SEPTIN7: variants seen among roughly 807,000 people sequenced by gnomAD.
SEPTIN7 encodes the protein septin 7.
Under a neutral mutation model 63.3 loss-of-function variants are expected in SEPTIN7, and 10 were observed. That is an observed-to-expected ratio of 0.16 (90% CI 0.10 to 0.27). The LOEUF is 0.27. Among genes scored for constraint, SEPTIN7 ranks in the 10% least tolerant of loss-of-function variants. The pLI is 1.00. For missense variants in SEPTIN7, 310 were observed against 521.0 expected, an observed-to-expected ratio of 0.59 and a Z score of 3.94; for synonymous variants, 131 against 165.3, an observed-to-expected ratio of 0.79 and a Z score of 1.59.
At chr7:35,801,543 C>G (rs1787972978) in intron 1 of SEPTIN7, among the ~76,000 whole-genome samples, 3 of 151,312 alleles carry the variant, frequency 2.0e-5, no homozygotes, top group African/African-American at 7.2e-5. Flanking sequence ...GGCGCAGAGC[C>G]GCGGCCTCCG....
At chr7:35,841,983 A>G (rs1392132143) in intron 3 of SEPTIN7, among the ~76,000 whole-genome samples, 3 of 152,144 alleles carry the variant, frequency 2.0e-5, no homozygotes, top group African/African-American at 2.4e-5. Context: ...TAAATATGAG[A>G]TAATAATATC....
chr7:35,809,429 C>G (rs1320326153), intron 1 of SEPTIN7, among the ~76,000 whole-genome samples: 1 of 152,216 alleles, frequency 6.6e-6, no homozygotes. Flanking sequence ...AAAAAGTTAT[C>G]AGACTATATT....
At chr7:35,896,663 GCTGA>G (rs1284070493) in intron 11 of SEPTIN7, among the ~76,000 whole-genome samples, 25 of 152,248 alleles carry the variant, frequency 1.6e-4, no homozygotes, top group African/African-American at 6.0e-4. Flanking sequence ...ATGTTTTTCA[GCTGA>G]CTCCACTTTT....
chr7:35,801,444 G>A (rs1787963428), intron 1 of SEPTIN7, among the ~76,000 whole-genome samples, 174 bp downstream of exon 1: 1 of 152,030 alleles, frequency 6.6e-6, no homozygotes, highest in Non-Finnish European at 1.5e-5. Flanking sequence ...GGGCTCGGGG[G>A]GAGGGGAGGC....
In SEPTIN7 at chr7:35,828,207, T is replaced by C. The variant is rs567560902; in HGVS notation, c.62-3285T>C. The stretch of plus-strand genomic sequence containing the variant: ...CTGAGACTGCTCTTATTTTTTAAGT[T>C]ACCAGTGACCTTATTTCCAAATTTT... On this transcript the variant is annotated intron_variant, in intron 1 of 13. Coordinates refer to ENST00000350320, the MANE Select transcript of SEPTIN7 (RefSeq NM_001788.6). Among the ~76,000 whole-genome samples, 7 of 152,368 alleles carry C rather than the reference T, an allele frequency of 4.6e-5. No homozygotes were observed. In the South Asian group the frequency reaches 1.0e-3, roughly 23 times the overall value.
At chr7:35,848,044 T>TA (rs1413136066) in intron 3 of SEPTIN7, 7 of 152,192 alleles carry the variant, frequency 4.6e-5, no homozygotes, top group African/African-American at 1.2e-4. Flanking sequence ...CTCCTTTACT[T>TA]ACACTCCAGC....
At chr7:35,903,838 C>G (rs549506222) in intron 13 of SEPTIN7, among the ~76,000 whole-genome samples, 15 of 152,236 alleles carry the variant, frequency 9.9e-5, no homozygotes, top group East Asian at 3.9e-4. Context: ...TACTACACTA[C>G]CCTACTGTTA....
At chr7:35,908,943 G>A (rs928409301), downstream of SEPTIN7, among the ~76,000 whole-genome samples, 9 of 152,152 alleles carry the variant, frequency 5.9e-5, no homozygotes, top group African/African-American at 1.9e-4. Flanking sequence ...AATATATGCT[G>A]TACTCTAGCG....
At position 35,885,896 on chromosome 7, in the gene SEPTIN7, A is replaced by T; in HGVS notation, c.872+17A>T. The T allele has an allele frequency of 1.3e-6, 2 of 1,546,570 alleles. No individual in the cohort carries two copies. Among genetic ancestry groups the T allele is most frequent in the Non-Finnish European group, 1.8e-6 (2 of 1,122,916 alleles). On this transcript the variant is annotated intron_variant, in intron 10 of 13. Coordinates refer to ENST00000350320, the MANE Select transcript of SEPTIN7 (RefSeq NM_001788.6). ...GTTGATAAGGTAAGTGCAAGCAATG[A>T]TGGAAATAGCATAAGATTTTCTTTC...
At chr7:35,802,309 T>A in intron 1 of SEPTIN7, 1 of 329,828 alleles carries the variant, frequency 3.0e-6, no homozygotes, top group Non-Finnish European at 6.3e-6. Flanking sequence ...TCTAGGACAT[T>A]TCCATTTGCT....
At chr7:35,872,371 GATC>G (rs1786203417) in intron 4 of SEPTIN7, among the ~76,000 whole-genome samples, 1 of 152,136 alleles carries the variant, frequency 6.6e-6, no homozygotes, top group African/African-American at 2.4e-5. Flanking sequence ...CTTTAGTGGT[GATC>G]ACTATTTTAT....
intron 6 of SEPTIN7, 74 bp from the exon 7 acceptor site, chr7:35,879,749 T>C: frequency 1.2e-6 from 1 of 809,892 alleles, no homozygotes; most frequent in South Asian, 1.5e-5. Context: ...TGTATTTAAC[T>C]AGCATTGGGG....
chr7:35,883,546 C>CT (rs1272042788), intron 8 of SEPTIN7, among the ~76,000 whole-genome samples: 5 of 146,714 alleles, frequency 3.4e-5, no homozygotes, highest in Non-Finnish European at 7.5e-5. Context: ...TAGCCCCCCG[C>CT]TTTTTTTCCC....
intron 1 of SEPTIN7, 120 bp from the exon 2 acceptor site, chr7:35,831,372 C>A: frequency 3.5e-6 from 1 of 287,028 alleles, no homozygotes; most frequent in South Asian, 3.1e-5. Context: ...GGATTTGCCT[C>A]TCCTGTTTGG....
intron 4 of SEPTIN7, among the ~76,000 whole-genome samples, chr7:35,866,784 T>A (rs1273130475): frequency 6.6e-6 from 1 of 152,104 alleles, no homozygotes; most frequent in Non-Finnish European, 1.5e-5. Context: ...GGACCCTGAG[T>A]TATATCTGTG....
intron 3 of SEPTIN7, among the ~76,000 whole-genome samples, chr7:35,856,998 A>C (rs1255605478): frequency 6.6e-6 from 1 of 152,168 alleles, no homozygotes; most frequent in Non-Finnish European, 1.5e-5. Flanking sequence ...CCTTGATTCT[A>C]AGATAAGATC....
intron 3 of SEPTIN7, chr7:35,847,057 A>G (rs923781106): frequency 3.9e-5 from 7 of 177,810 alleles, no homozygotes; most frequent in African/African-American, 1.4e-4. Context: ...GGTATGTGAA[A>G]TAATGTCACT....
intron 1 of SEPTIN7, among the ~76,000 whole-genome samples, chr7:35,819,244 A>C (rs1394456657): frequency 1.3e-5 from 2 of 152,084 alleles, no homozygotes; most frequent in East Asian, 1.9e-4. Context: ...AATTTTCACA[A>C]GTGTGTGAAT....
chr7:35,885,551 T>G (rs1787180839), intron 9 of SEPTIN7, among the ~76,000 whole-genome samples: 1 of 152,190 alleles, frequency 6.6e-6, no homozygotes, highest in Non-Finnish European at 1.5e-5. Context: ...AATAATAAGA[T>G]TTCCCCTTTC....
Sources: gnomAD v4.1 joint callset for allele counts (sites outside exome capture counted in the v4.1 genomes callset) on GRCh38, gnomAD v4.1.1 for gene constraint, MANE v1.5 for transcripts, NCBI Gene and HGNC (gene_info 2026-07-23, HGNC 2026-07-21) for gene names.